Variants in PTGIS observed in about 807,000 individuals in gnomAD.
PTGIS encodes the protein prostacyclin synthase.
In PTGIS, 45 loss-of-function variants were observed where a neutral mutation model predicts 50.3. The observed-to-expected ratio is 0.90, with a 90% CI of 0.70 to 1.15. The LOEUF (loss-of-function observed/expected upper bound fraction) is 1.15. PTGIS is among the 50% of genes most tolerant of loss of function. The pLI, the probability that PTGIS is intolerant of heterozygous loss-of-function variation, is 0.00. For synonymous variants in PTGIS, 260 were observed against 267.7 expected (o/e 0.97, Z 0.28); for missense variants, 668 against 661.3 (o/e 1.01, Z -0.11).
intron 1 of PTGIS, among the ~76,000 whole-genome samples, chr20:49,565,478 C>A (rs557802913): frequency 6.6e-6 from 1 of 152,140 alleles, no homozygotes; most frequent in South Asian, 2.1e-4. Flanking sequence ...CCATCCTGGA[C>A]AACATGGCAA....
chr20:49,549,552 C>T (rs1982451393), intron 2 of PTGIS, among the ~76,000 whole-genome samples: 1 of 152,154 alleles, frequency 6.6e-6, no homozygotes, highest in Non-Finnish European at 1.5e-5. Context: ...AGTGGAAGAA[C>T]TCTGGGTAGA....
intron 1 of PTGIS, among the ~76,000 whole-genome samples, chr20:49,555,865 T>A (rs528739921): frequency 6.6e-6 from 1 of 152,278 alleles, no homozygotes; most frequent in South Asian, 2.1e-4. Context: ...TCTGACAACC[T>A]TAGAGATTGT....
In PTGIS at chr20:49,507,106, C is replaced by T. The variant is rs922199469; in HGVS notation, c.*814G>A. On this transcript the variant is annotated 3_prime_UTR_variant, in exon 10 of 10. Coordinates refer to ENST00000244043, the MANE Select transcript of PTGIS (RefSeq NM_000961.4). The stretch of plus-strand genomic sequence containing the variant: ...GCTTCTGCACTAGAATGCATGAAAT[C>T]GGCACCTTCTTTTTTGGCTTGATCA... 3 of 152,500 alleles carry T rather than the reference C, an allele frequency of 2.0e-5. No homozygotes were observed. Among genetic ancestry groups the T allele is most frequent in the South Asian group, 2.1e-4 (1 of 4,828 alleles). 9.4% of individuals were successfully genotyped at this position (152,500 alleles called of 1,614,324 possible).
Position 49,528,092 on chromosome 20 carries a change from A to T in PTGIS, c.674-3853T>A, listed in dbSNP as rs191816182. Among the ~76,000 whole-genome samples the T allele has an allele frequency of 1.4e-3, 210 of 152,316 alleles. 3 individuals carry two copies. The highest frequency in any genetic ancestry group is 2.2e-3 in the Non-Finnish European group (153 of 68,016). ...GAGGTGGAGGTTGCAGTGAGCTGAG[A>T]TGGAGCCACTGCACTCCAGCCTGGG... On this transcript the variant is annotated intron_variant, in intron 5 of 9. Coordinates refer to ENST00000244043, the MANE Select transcript of PTGIS (RefSeq NM_000961.4).
At chr20:49,547,645 G>A (rs556682450) in intron 3 of PTGIS, among the ~76,000 whole-genome samples, 196 bp downstream of exon 3, 38 of 146,824 alleles carry the variant, frequency 2.6e-4, no homozygotes, top group African/African-American at 6.2e-4. Flanking sequence ...AAAAAAACCC[G>A]CCAGAGATGA....
chr20:49,510,496 G>A (rs143027914), intron 9 of PTGIS, among the ~76,000 whole-genome samples: 379 of 152,274 alleles, frequency 2.5e-3, no homozygotes, highest in Non-Finnish European at 4.0e-3. Flanking sequence ...GGCTCAGAAG[G>A]TAACCCAGCT....
intron 2 of PTGIS, 144 bp downstream of exon 2, chr20:49,549,921 GA>G: frequency 7.9e-7 from 1 of 1,258,866 alleles, no homozygotes; most frequent in East Asian, 2.3e-5. Context: ...CAGCTGGATA[GA>G]AAGTTGGCTC....
At chr20:49,559,048 G>A (rs894846810) in intron 1 of PTGIS, among the ~76,000 whole-genome samples, 11 of 152,074 alleles carry the variant, frequency 7.2e-5, no homozygotes, top group African/African-American at 2.4e-4. Context: ...GGATGTTTAC[G>A]ATCAAGGGAA....
chr20:49,562,601 C>T (rs1299718203), intron 1 of PTGIS, among the ~76,000 whole-genome samples: 1 of 152,232 alleles, frequency 6.6e-6, no homozygotes, highest in Non-Finnish European at 1.5e-5. Context: ...ACTGCCAGGC[C>T]CTGGCGGGCA....
chr20:49,514,130 A>G lies in PTGIS; in HGVS notation c.1024+97T>C. ...AGACCCTAGGTCGGAGGACACACTG[A>G]TGGACCCTGGAAGACAGGAGTCCAT... On this transcript the variant is annotated intron_variant, in intron 7 of 9. Coordinates refer to ENST00000244043, the MANE Select transcript of PTGIS (RefSeq NM_000961.4). The G allele has an allele frequency of 1.2e-5, 17 of 1,475,138 alleles. No homozygotes were observed. The South Asian group carries it at 1.8e-4, about 16-fold the overall frequency. The allele number at this position is 1,475,138 out of a possible 1,614,324, so 91.4% of individuals were successfully genotyped here. A position where few individuals can be genotyped will look rare whatever the true frequency, so the allele number is the denominator to read the frequency against.
chr20:49,531,328 C>A lies in PTGIS; in HGVS notation c.674-7089G>T, dbSNP rs475798. Among the ~76,000 whole-genome samples, 1,463 of 152,258 alleles carry A rather than the reference C, an allele frequency of 9.6e-3. 32 individuals carry two copies. Among genetic ancestry groups the A allele is most frequent in the African/African-American group, 0.033 (1,391 of 41,540 alleles). On this transcript the variant is annotated intron_variant, in intron 5 of 9. Transcript: ENST00000244043. ...GGAAAACTGAGCTTGGTGGCTCAACCTGGGGCCCTGCAGATGAGCAAAGCT... is the reference window on the plus strand; with the variant it reads ...GGAAAACTGAGCTTGGTGGCTCAACATGGGGCCCTGCAGATGAGCAAAGCT...
At chr20:49,564,549 C>A (rs1260703477) in intron 1 of PTGIS, among the ~76,000 whole-genome samples, 1 of 152,132 alleles carries the variant, frequency 6.6e-6, no homozygotes, top group Non-Finnish European at 1.5e-5. Flanking sequence ...CCGTGCCCAG[C>A]CTATGTCTAA....
intron 5 of PTGIS, among the ~76,000 whole-genome samples, chr20:49,536,478 C>CTTTCTTTCT (rs1555804436): frequency 2.5e-4 from 27 of 108,666 alleles, no homozygotes; most frequent in Non-Finnish European, 4.2e-4. Context: ...TTCTTTCTTT[C>CTTTCTTTCT]TTTTTTTTTT....
chr20:49,525,723 C>G (rs569796386), intron 5 of PTGIS, among the ~76,000 whole-genome samples: 10 of 151,816 alleles, frequency 6.6e-5, no homozygotes, highest in African/African-American at 2.2e-4. Flanking sequence ...TGGTTTTCTC[C>G]GAAATCACCC....
chr20:49,534,007 G>A (rs1002743220), intron 5 of PTGIS, among the ~76,000 whole-genome samples: 1 of 151,948 alleles, frequency 6.6e-6, no homozygotes, highest in Non-Finnish European at 1.5e-5. Flanking sequence ...TGTATATATA[G>A]TGATATAGTA....
At chr20:49,518,330 C>T (rs6095565) in intron 6 of PTGIS, among the ~76,000 whole-genome samples, 2 of 152,138 alleles carry the variant, frequency 1.3e-5, no homozygotes, top group Admixed American at 1.3e-4. Flanking sequence ...ATCCCTGCAC[C>T]TTTCCTTCAA....
At chr20:49,522,059 C>T (rs1457947546) in intron 6 of PTGIS, among the ~76,000 whole-genome samples, 1 of 152,012 alleles carries the variant, frequency 6.6e-6, no homozygotes. Context: ...CCCCATCTCG[C>T]CCAGAGAAAA....
At chr20:49,518,072 T>C (rs886441012) in intron 6 of PTGIS, among the ~76,000 whole-genome samples, 9 of 152,214 alleles carry the variant, frequency 5.9e-5, no homozygotes, top group Non-Finnish European at 8.8e-5. Context: ...CTGGAGGCCA[T>C]TGTAGTCATC....
intron 1 of PTGIS, among the ~76,000 whole-genome samples, chr20:49,564,898 CT>C (rs1982857222): frequency 6.6e-6 from 1 of 151,526 alleles, no homozygotes; most frequent in Non-Finnish European, 1.5e-5. Context: ...GCTGGAGAGC[CT>C]TGCTTATTTT....
Sources: gnomAD v4.1 joint callset for allele counts (sites outside exome capture counted in the v4.1 genomes callset) on GRCh38, gnomAD v4.1.1 for gene constraint, MANE v1.5 for transcripts, NCBI Gene and HGNC (gene_info 2026-07-23, HGNC 2026-07-21) for gene names.